The following ZFR2 variants were observed in gnomAD, a reference collection of about 807,000 sequenced individuals.
ZFR2 encodes the protein zinc finger RNA binding protein 2.
Under a neutral mutation model 105.7 loss-of-function variants are expected in ZFR2, and 104 were observed. The ratio of observed to expected loss-of-function variants is 0.98; its 90% CI spans 0.84 to 1.16. ZFR2 has a LOEUF of 1.16. Ranked by LOEUF, ZFR2 falls within the 50% of genes most tolerant of loss-of-function variation. The probability of loss-of-function intolerance (pLI) is 0.00; values close to 1 mark genes in which losing one functional copy is unlikely to be tolerated. For missense variants in ZFR2, 1,425 were observed against 1,355.5 expected (o/e 1.05, Z -0.80); for synonymous variants, 634 against 597.7 (o/e 1.06, Z -0.89).
At chr19:3,852,349 G>A (rs1385433327) in intron 1 of ZFR2, 6 of 643,916 alleles carry the variant, frequency 9.3e-6, no homozygotes, top group Non-Finnish European at 1.7e-5. Flanking sequence ...TGGCTCTCCT[G>A]ACCATGGCTG....
At chr19:3,836,904 C>T (rs1739179955) in intron 1 of ZFR2, among the ~76,000 whole-genome samples, 1 of 152,172 alleles carries the variant, frequency 6.6e-6, no homozygotes, top group African/African-American at 2.4e-5. Flanking sequence ...AGATTTTAGC[C>T]CAATACCGCT....
chr19:3,838,586 C>A lies in ZFR2; in HGVS notation c.54-3603G>T, dbSNP rs2038103372. ...GGGTCTTTTCAAAGTACAGCCCTAA[C>A]CATGCCATCTCCTGCTCAAAGCCCT... On this transcript the variant is annotated intron_variant, in intron 1 of 18. Coordinates refer to ENST00000262961, the MANE Select transcript of ZFR2 (RefSeq NM_015174.2). The surrounding 1 kb of genome is among the most constrained non-coding windows in gnomAD (Gnocchi z 4.9). 6.6e-6 allele frequency among the ~76,000 whole-genome samples: 1 copy of A among 152,138 alleles called. No homozygotes were observed. Among genetic ancestry groups the A allele is most frequent in the Non-Finnish European group, 1.5e-5 (1 of 68,020 alleles).
intron 3 of ZFR2, 42 bp downstream of exon 3, chr19:3,833,622 A>G (rs1361339103): frequency 1.4e-6 from 2 of 1,429,840 alleles, no homozygotes; most frequent in East Asian, 5.0e-5. Flanking sequence ...TGCTGCGGGG[A>G]GCGTCTCCTC....
intron 10 of ZFR2, among the ~76,000 whole-genome samples, chr19:3,820,750 C>A (rs1340671514): frequency 6.7e-6 from 1 of 150,076 alleles, no homozygotes; most frequent in African/African-American, 2.5e-5. Context: ...GGTCAGGAGA[C>A]ACAGGAACAC....
intron 1 of ZFR2, among the ~76,000 whole-genome samples, chr19:3,842,220 G>T (rs1408992838): frequency 6.6e-6 from 1 of 151,710 alleles, no homozygotes; most frequent in African/African-American, 2.4e-5. Flanking sequence ...TGCTGTGTTG[G>T]CCAGGCTGGT....
At position 3,833,674 on chromosome 19, in the gene ZFR2, G is replaced by C. The variant is rs748042649; in HGVS notation, c.369C>G (p.Ser123=). ...CTGCAGATGGCTCACCTGGCTGGCC[G>C]GAGTCTGCGGCTGTCATGCGCCCAG... The part of the protein sequence containing the change: ...LQSGRMTAAD[S]GQPGTQEACG... The change falls in exon 3 of 19, where the codon TCC becomes TCG. Residue 123 remains serine, a synonymous_variant. Transcript: ENST00000262961. 139 of 1,560,662 alleles carry C rather than the reference G, an allele frequency of 8.9e-5. No individual in the cohort carries two copies. The highest frequency in any genetic ancestry group is 1.2e-4 in the Non-Finnish European group (136 of 1,152,290).
chr19:3,827,748 G>A lies in ZFR2; in HGVS notation c.853-95C>T, dbSNP rs541369964. On this transcript the variant is annotated intron_variant, in intron 5 of 18. Transcript: ENST00000262961. ...CCCCCGGCTTAGCGCGAGGGAACTC[G>A]GTGGTAACAGAGGCCCGCTGTCCCC... is the stretch of plus-strand genomic sequence containing the variant. 48 of 1,421,014 alleles carry A rather than the reference G, an allele frequency of 3.4e-5. 1 individual carries two copies. Among genetic ancestry groups the A allele is most frequent in the African/African-American group, 1.4e-4 (10 of 69,026 alleles). 88.0% of individuals were successfully genotyped at this position (1,421,014 alleles called of 1,614,324 possible).
chr19:3,837,855 C>T (rs537679644), intron 1 of ZFR2, among the ~76,000 whole-genome samples: 2 of 152,262 alleles, frequency 1.3e-5, no homozygotes, highest in African/African-American at 4.8e-5. Context: ...ACTCAATGAA[C>T]ACCATGATTG....
intron 1 of ZFR2, among the ~76,000 whole-genome samples, chr19:3,853,860 G>A (rs1288660365): frequency 3.9e-5 from 6 of 152,138 alleles, no homozygotes; most frequent in South Asian, 4.1e-4. Context: ...CTTGAGCCCA[G>A]GAGCACAGTT....
chr19:3,822,182 G>GC lies in ZFR2; in HGVS notation c.1389dup (p.Arg464AlafsTer18). 1 of 1,598,544 alleles carries GC rather than the reference G, an allele frequency of 6.3e-7. No individual in the cohort carries two copies. Among genetic ancestry groups the GC allele is most frequent in the Non-Finnish European group, 8.5e-7 (1 of 1,173,182 alleles). Reference sequence around the variant, plus strand: ...AGCTTGCAGTGGAAGCGAAGCACTCGCCCTTCGTCGCTGAACACCTGAGAC... The same window carrying GC: ...AGCTTGCAGTGGAAGCGAAGCACTCGCCCCTTCGTCGCTGAACACCTGAGAC... On this transcript the variant is annotated frameshift_variant, in exon 9 of 19. Coordinates refer to ENST00000262961, the MANE Select transcript of ZFR2 (RefSeq NM_015174.2). LOFTEE classifies it high-confidence loss of function.
intron 1 of ZFR2, among the ~76,000 whole-genome samples, chr19:3,862,030 C>G (rs1329368726): frequency 6.6e-6 from 1 of 152,156 alleles, no homozygotes; most frequent in Non-Finnish European, 1.5e-5. Context: ...TTTATCTGAT[C>G]AGGGCCTTTG....
rs749192113 is a variant in ZFR2 at position 3,852,245 on chromosome 19, T to C, written c.53+16720A>G. On this transcript the variant is annotated intron_variant, in intron 1 of 18. Transcript: ENST00000262961. ...CAGAGGTGGGGCTCAGCTGGATGGC[T>C]CTCCTGGCCAGATGGGGCTCAGCTG... 2.0e-5 allele frequency: 11 copies of C among 562,112 alleles called. No homozygotes were observed. The East Asian group carries it at 3.1e-4, about 16-fold the overall frequency. 34.8% of individuals were successfully genotyped at this position (562,112 alleles called of 1,614,324 possible). A position where few individuals can be genotyped will look rare whatever the true frequency, so the allele number is the denominator to read the frequency against.
chr19:3,863,411 T>C (rs900016532), intron 1 of ZFR2, among the ~76,000 whole-genome samples: 2 of 152,012 alleles, frequency 1.3e-5, no homozygotes, highest in Non-Finnish European at 2.9e-5. Context: ...ATGTCCCCAC[T>C]CCGGGGAGGG....
intron 1 of ZFR2, among the ~76,000 whole-genome samples, chr19:3,839,061 C>G (rs2038107642): frequency 6.6e-6 from 1 of 152,088 alleles, no homozygotes; most frequent in Non-Finnish European, 1.5e-5. Context: ...TGGACATGTC[C>G]CCTGGGACCG....
intron 16 of ZFR2, among the ~76,000 whole-genome samples, chr19:3,810,489 G>A (rs1246239771): frequency 2.0e-5 from 3 of 152,188 alleles, no homozygotes; most frequent in Non-Finnish European, 2.9e-5. Flanking sequence ...ACGAAGTCGG[G>A]CAGACACCTC....
intron 1 of ZFR2, among the ~76,000 whole-genome samples, chr19:3,856,446 T>C (rs1302473476): frequency 6.6e-6 from 1 of 152,058 alleles, no homozygotes; most frequent in East Asian, 1.9e-4. Context: ...CCCTTTAAAG[T>C]GCACGGTTCG....
chr19:3,820,856 G>A lies in ZFR2; in HGVS notation c.1631+484C>T, dbSNP rs111211906. On this transcript the variant is annotated intron_variant, in intron 10 of 18. Transcript: ENST00000262961. The stretch of plus-strand genomic sequence containing the variant: ...GGGGGACACAGGGACACCGGGGGTC[G>A]GGGGACACAGGGACACTAGAGGTCG... Among the ~76,000 whole-genome samples, 729 of 126,248 alleles carry A rather than the reference G, an allele frequency of 5.8e-3. 60 individuals are homozygous for A. Among genetic ancestry groups the A allele is most frequent in the East Asian group, 9.1e-3 (37 of 4,044 alleles). 82.8% of individuals were successfully genotyped at this position (126,248 alleles called of 152,430 possible). A position where few individuals can be genotyped will look rare whatever the true frequency, so the allele number is the denominator to read the frequency against.
At chr19:3,829,558 G>A (rs1293501910) in intron 5 of ZFR2, among the ~76,000 whole-genome samples, 2 of 151,668 alleles carry the variant, frequency 1.3e-5, no homozygotes, top group African/African-American at 4.8e-5. Context: ...TGTCGCCCAG[G>A]CTGGGGTGCA....
At position 3,813,059 on chromosome 19, in the gene ZFR2, A is replaced by G. The variant is rs1441281382; in HGVS notation, c.2242+761T>C. On this transcript the variant is annotated intron_variant, in intron 14 of 18. Coordinates refer to ENST00000262961, the MANE Select transcript of ZFR2 (RefSeq NM_015174.2). The surrounding 1 kb of genome is among the most constrained non-coding windows in gnomAD (Gnocchi z 4.4). ...TGCGCCATTGCACTCCAGCCTGGGC[A>G]ACAGAGCGAGACTCTGTCTCAAAAA... 1.3e-5 allele frequency among the ~76,000 whole-genome samples: 2 copies of G among 152,222 alleles called. No homozygotes were observed. The highest frequency in any genetic ancestry group is 2.9e-5 in the Non-Finnish European group (2 of 68,038).
Sources: gnomAD v4.1 joint callset for allele counts (sites outside exome capture counted in the v4.1 genomes callset) on GRCh38, gnomAD v4.1.1 for gene constraint, Gnocchi (gnomAD v3.1) non-coding constraint, MANE v1.5 for transcripts, NCBI Gene and HGNC (gene_info 2026-07-23, HGNC 2026-07-21) for gene names.